Variants in PHYH observed in about 807,000 individuals in gnomAD.
The protein encoded by PHYH is phytanoyl-CoA dioxygenase, peroxisomal.
A neutral mutation model predicts 38.5 loss-of-function variants in PHYH; 32 were observed. The observed-to-expected ratio is 0.83, with a 90% confidence interval of 0.63 to 1.12. PHYH has a LOEUF of 1.12. Ranked by LOEUF, PHYH falls within the 50% of genes most tolerant of loss-of-function variation. PHYH has a pLI of 0.00. For missense variants in PHYH, 426 were observed against 434.8 expected (o/e 0.98, Z 0.18); for synonymous variants, 166 against 157.9 (o/e 1.05, Z -0.38).
At chr10:13,282,530 T>C (rs894282145) in intron 7 of PHYH, among the ~76,000 whole-genome samples, 4 of 144,542 alleles carry the variant, frequency 2.8e-5, no homozygotes, top group Non-Finnish European at 5.9e-5. Context: ...AGGCCAAGGT[T>C]GCAGTCAGCT....
At chr10:13,292,933 C>CA (rs57345841) in intron 4 of PHYH, among the ~76,000 whole-genome samples, 10 of 109,862 alleles carry the variant, frequency 9.1e-5, no homozygotes, top group African/African-American at 3.1e-4. Context: ...GACTCTGTCT[C>CA]AAAAAAAAAA....
At chr10:13,294,295 A>T in intron 4 of PHYH, 133 bp downstream of exon 4, 1 of 785,412 alleles carries the variant, frequency 1.3e-6, no homozygotes, top group South Asian at 1.4e-5. Context: ...GGATCAAGCG[A>T]TCCACCTGCC....
intron 7 of PHYH, among the ~76,000 whole-genome samples, chr10:13,281,521 G>T (rs1307758734): frequency 2.0e-5 from 3 of 151,744 alleles, no homozygotes; most frequent in Admixed American, 2.0e-4. Flanking sequence ...GGGATGAATT[G>T]TTATTTCAGT....
intron 4 of PHYH, 87 bp downstream of exon 4, chr10:13,294,341 C>T: frequency 8.1e-7 from 1 of 1,238,886 alleles, no homozygotes; most frequent in South Asian, 1.2e-5. Flanking sequence ...CAGGAGTGAG[C>T]CACTGCGCCC....
chr10:13,278,254 C>A lies in PHYH; in HGVS notation c.*47G>T. On this transcript the variant is annotated 3_prime_UTR_variant, in exon 9 of 9. Transcript: ENST00000263038. ...AAGAAAACATTTTCCTTAGACATTTCGTTTGGTTTTGGTTTTCTGTTGAAA... is the reference window on the plus strand; with the variant it reads ...AAGAAAACATTTTCCTTAGACATTTAGTTTGGTTTTGGTTTTCTGTTGAAA... 1.6e-6 allele frequency: 2 copies of A among 1,240,322 alleles called. No individual in the cohort carries two copies. The highest frequency in any genetic ancestry group is 2.4e-5 in the South Asian group (2 of 83,546). The allele number at this position is 1,240,322 out of a possible 1,614,324, so 76.8% of individuals were successfully genotyped here. A position where few individuals can be genotyped will look rare whatever the true frequency, so the allele number is the denominator to read the frequency against.
At chr10:13,282,150 T>G (rs764347705) in intron 7 of PHYH, among the ~76,000 whole-genome samples, 2 of 151,656 alleles carry the variant, frequency 1.3e-5, no homozygotes, top group Non-Finnish European at 2.9e-5. Context: ...ACTTGAGAGG[T>G]TGAGGTGGGA....
In PHYH at chr10:13,278,749, C is replaced by T. The variant is rs1023388075; in HGVS notation, c.964-395G>A. On this transcript the variant is annotated intron_variant, in intron 8 of 8. Transcript: ENST00000263038. Reference sequence around the variant, plus strand: ...TTCGCTACACTGGCCAGACTGATCTCAAACTCCTGGCCTCAAGTGATCTGT... The same window carrying T: ...TTCGCTACACTGGCCAGACTGATCTTAAACTCCTGGCCTCAAGTGATCTGT... Among the ~76,000 whole-genome samples the T allele has an allele frequency of 4.6e-5, 7 of 152,142 alleles. No individual in the cohort carries two copies. In the South Asian group the frequency reaches 1.0e-3, roughly 23 times the overall value.
chr10:13,294,878 A>C (rs1293959135), intron 3 of PHYH: 1 of 448,022 alleles, frequency 2.2e-6, no homozygotes, highest in African/African-American at 2.0e-5. Flanking sequence ...TGTAACACTT[A>C]CCATGTGCCC....
At chr10:13,295,869 A>G (rs1312979147) in intron 2 of PHYH, among the ~76,000 whole-genome samples, 1 of 151,212 alleles carries the variant, frequency 6.6e-6, no homozygotes, top group Non-Finnish European at 1.5e-5. Context: ...TCCTAAAAAT[A>G]TGTATCAAGA....
Position 13,298,967 on chromosome 10 carries a change from C to T in PHYH, c.76-722G>A, listed in dbSNP as rs71489193. Reference sequence around the variant, plus strand: ...ATAATAATAATAATAATAATAATAACAACAATAACAACAACAACATAAATT... The same window carrying T: ...ATAATAATAATAATAATAATAATAATAACAATAACAACAACAACATAAATT... On this transcript the variant is annotated intron_variant, in intron 1 of 8. Coordinates refer to ENST00000263038, the MANE Select transcript of PHYH (RefSeq NM_006214.4). Among the ~76,000 whole-genome samples, 588 of 61,224 alleles carry T rather than the reference C, an allele frequency of 9.6e-3. 8 individuals are homozygous for T. Among genetic ancestry groups the T allele is most frequent in the African/African-American group, 0.016 (485 of 30,632 alleles). The allele number at this position is 61,224 out of a possible 152,430, so 40.2% of individuals were successfully genotyped here. A position where few individuals can be genotyped will look rare whatever the true frequency, so the allele number is the denominator to read the frequency against.
rs764537504 is a variant in PHYH at position 13,288,519 on chromosome 10, G to T, written c.519C>A (p.Pro173=). 1 of 1,614,154 alleles carries T rather than the reference G, an allele frequency of 6.2e-7. No homozygotes were observed. The highest frequency in any genetic ancestry group is 1.1e-5 in the South Asian group (1 of 91,084). ...PDSGKKTSRH[P]LHQDLHYFPF... ...GGAAATAGTGCAGGTCCTGGTGCAG[G>T]GGGTGACGGGACGTCTTCTTGCCTG... The change falls in exon 6 of 9, where the codon CCC becomes CCA. Residue 173 remains proline (P), a synonymous_variant. Transcript: ENST00000263038.
rs1435262914 is a variant in PHYH at position 13,294,465 on chromosome 10, TCC to T, written c.375_376del (p.Glu126ArgfsTer2). On this transcript the variant is annotated frameshift_variant, in exon 4 of 9. Coordinates refer to ENST00000263038, the MANE Select transcript of PHYH (RefSeq NM_006214.4). LOFTEE classifies it high-confidence loss of function. ...GCAGTATCTGAAGAGCTCCTTATCT[TCC>T]TGGAAATCCTGGACCTTCGTGATCA... 3.7e-6 allele frequency: 6 copies of T among 1,614,072 alleles called. No individual in the cohort carries two copies. In the African/African-American group the frequency reaches 8.0e-5, roughly 22 times the overall value.
At chr10:13,280,696 T>C (rs1461448995) in intron 8 of PHYH, among the ~76,000 whole-genome samples, 1 of 152,238 alleles carries the variant, frequency 6.6e-6, no homozygotes, top group East Asian at 1.9e-4. Context: ...TCTGTAGTTT[T>C]GTTTTCCTTT....
At chr10:13,288,785 CTG>C (rs1469895109) in intron 5 of PHYH, among the ~76,000 whole-genome samples, 4 of 151,858 alleles carry the variant, frequency 2.6e-5, no homozygotes, top group African/African-American at 9.7e-5. Flanking sequence ...TGGCATGCAC[CTG>C]TAGTCACAGC....
chr10:13,295,987 G>A (rs567716399), intron 2 of PHYH, among the ~76,000 whole-genome samples: 8 of 151,306 alleles, frequency 5.3e-5, no homozygotes, highest in Middle Eastern at 3.5e-3. Flanking sequence ...GACCAACATG[G>A]TGAAACCCCA....
Position 13,294,444 on chromosome 10 carries a change from T to G in PHYH, c.398A>C (p.Tyr133Ser), listed in dbSNP as rs1161050068. The G allele has an allele frequency of 6.2e-7, 1 of 1,614,096 alleles. No homozygotes were observed. Among genetic ancestry groups the G allele is most frequent in the Admixed American group, 1.7e-5 (1 of 60,008 alleles). ...DFQEDKELFRYCTLPEILKYV... is the reference protein window; with the variant it reads ...DFQEDKELFRSCTLPEILKYV... ...GTCTCTGACCTCGGGGAGAGTGCAG[T>G]ATCTGAAGAGCTCCTTATCTTCCTG... Residue 133 changes from tyrosine to serine, a missense_variant, in exon 4 of 9, where the codon TAC (tyrosine) becomes TCC (serine). By Grantham distance (144) the Tyr-to-Ser change is moderately radical. Transcript: ENST00000263038.
intron 4 of PHYH, among the ~76,000 whole-genome samples, chr10:13,293,647 A>G (rs986277240): frequency 1.2e-4 from 18 of 151,770 alleles, no homozygotes; most frequent in Admixed American, 5.9e-4. Context: ...TTTTTTTCCA[A>G]TATAGACAAT....
At position 13,298,238 on chromosome 10, in the gene PHYH, T is replaced by A; in HGVS notation, c.83A>T (p.His28Leu). The A allele has an allele frequency of 6.3e-7, 1 of 1,596,434 alleles. No homozygotes were observed. Among genetic ancestry groups the A allele is most frequent in the Non-Finnish European group, 8.6e-7 (1 of 1,163,940 alleles). The change falls in exon 2 of 9, where the codon CAT (histidine) becomes CTT (leucine). Residue 28 changes from histidine (H) to leucine (L), a missense_variant. By Grantham distance (99) the His-to-Leu change is moderately conservative (BLOSUM62 -3). Coordinates refer to ENST00000263038, the MANE Select transcript of PHYH (RefSeq NM_006214.4). ...GRPSAGAVVA[H>L]PTSGTISSAS... ...AGAGGAAATAGTCCCTGAAGTGGGA[T>A]GAGCTACCTAGGATGTGAATTAAGG...
At chr10:13,295,701 C>A in intron 2 of PHYH, 95 bp from the exon 3 acceptor site, 1 of 705,422 alleles carries the variant, frequency 1.4e-6, no homozygotes, top group East Asian at 2.6e-5. Flanking sequence ...TTTAGCGGGC[C>A]GAGGCAAGTG....
Sources: gnomAD v4.1 joint callset for allele counts (sites outside exome capture counted in the v4.1 genomes callset) on GRCh38, gnomAD v4.1.1 for gene constraint, MANE v1.5 for transcripts, NCBI Gene and HGNC (gene_info 2026-07-23, HGNC 2026-07-21) for gene names.